Variants in ELP1 observed in about 807,000 individuals in gnomAD.
The protein encoded by ELP1 is elongator complex protein 1.
Under a neutral mutation model 183.2 loss-of-function variants are expected in ELP1, and 131 were observed. The ratio of observed to expected loss-of-function variants is 0.72; its 90% CI spans 0.62 to 0.83. The LOEUF (loss-of-function observed/expected upper bound fraction) is 0.83, where lower values mean the gene tolerates loss of function less well. ELP1 is among the 40% of genes least tolerant of loss of function. The probability of loss-of-function intolerance (pLI) is 0.00; values close to 1 mark genes in which losing one functional copy is unlikely to be tolerated. For synonymous variants in ELP1, 555 were observed against 569.0 expected, an observed-to-expected ratio of 0.98 and a Z score of 0.35; for missense variants, 1,550 against 1,594.9, an observed-to-expected ratio of 0.97 and a Z score of 0.48.
At chr9:108,887,161 A>G (rs2131962443) in intron 29 of ELP1, among the ~76,000 whole-genome samples, 1 of 152,284 alleles carries the variant, frequency 6.6e-6, no homozygotes, top group African/African-American at 2.4e-5. Context: ...GTGAGCTGAG[A>G]TCACACCACT....
intron 1 of ELP1, among the ~76,000 whole-genome samples, chr9:108,933,467 T>C (rs1366851176): frequency 6.6e-6 from 1 of 152,122 alleles, no homozygotes; most frequent in Non-Finnish European, 1.5e-5. Context: ...CCACGTTAGA[T>C]GGAGAAGCAC....
chr9:108,926,203 T>C (rs544753942), intron 5 of ELP1, among the ~76,000 whole-genome samples: 14 of 152,332 alleles, frequency 9.2e-5, no homozygotes, highest in African/African-American at 2.9e-4. Context: ...TATTCCATCT[T>C]TCTTCTTTTC....
At chr9:108,869,697 A>G (rs1827366575) in intron 36 of ELP1, among the ~76,000 whole-genome samples, 1 of 152,178 alleles carries the variant, frequency 6.6e-6, no homozygotes, top group Non-Finnish European at 1.5e-5. Context: ...ATGGAGAGAG[A>G]GGGTTAGGAA....
intron 29 of ELP1, among the ~76,000 whole-genome samples, chr9:108,886,559 C>CT (rs1290530681): frequency 6.6e-6 from 1 of 152,144 alleles, no homozygotes; most frequent in Non-Finnish European, 1.5e-5. Context: ...TATCACTCGT[C>CT]TAAAAACAAA....
At chr9:108,916,118 G>A (rs1829419717) in intron 10 of ELP1, 86 bp downstream of exon 10, 1 of 1,009,036 alleles carries the variant, frequency 9.9e-7, no homozygotes, top group Non-Finnish European at 1.6e-6. Context: ...AAGGGACTAA[G>A]TAGAAGGGAT....
chr9:108,888,685 T>TTAA (rs1241222317), intron 29 of ELP1, among the ~76,000 whole-genome samples: 1 of 152,154 alleles, frequency 6.6e-6, no homozygotes, highest in African/African-American at 2.4e-5. Flanking sequence ...CAAGAGACAA[T>TTAA]TAAATATTTT....
At chr9:108,899,309 AC>A (rs145831107) in intron 20 of ELP1, among the ~76,000 whole-genome samples, 38,337 of 150,974 alleles carry the variant, frequency 0.25, 5,499 homozygotes, top group African/African-American at 0.4. Flanking sequence ...CAAAAAAAAA[AC>A]AAAGAAAATC....
Position 108,911,086 on chromosome 9 carries a change from T to C in ELP1, c.1284A>G (p.Thr428=). The change falls in exon 12 of 37, where the codon ACA becomes ACG. Residue 428 remains threonine (T), a synonymous_variant. Coordinates refer to ENST00000374647, the MANE Select transcript of ELP1 (RefSeq NM_003640.5). ...TACTCTTTTGAGGGTGTGCTAAGAATGTGACTTGATTCACAGGGTGTGGGA... is the reference window on the plus strand; with the variant it reads ...TACTCTTTTGAGGGTGTGCTAAGAACGTGACTTGATTCACAGGGTGTGGGA... ...LLFPHPVNQV[T]FLAHPQKSND... 6.2e-7 allele frequency: 1 copy of C among 1,614,158 alleles called. No homozygotes were observed. Among genetic ancestry groups the C allele is most frequent in the Non-Finnish European group, 8.5e-7 (1 of 1,180,012 alleles).
rs199595486 is a variant in ELP1, at chr9:108,869,165, G to T, written c.3949C>A (p.Pro1317Thr). ...TGGGTTCTTCTGTTGATCTTTGGTGGTATAAAAAGCTCAGCATCTAAAAGC... is the reference window on the plus strand; with the variant it reads ...TGGGTTCTTCTGTTGATCTTTGGTGTTATAAAAAGCTCAGCATCTAAAAGC... ...VPVLDAELFI[P>T]PKINRRTQWK... Residue 1317 changes from proline (P) to threonine (T), a missense_variant, in exon 37 of 37, where the codon CCA becomes ACA. Physicochemically the swap from Pro to Thr is conservative, Grantham distance 38. Coordinates refer to ENST00000374647, the MANE Select transcript of ELP1 (RefSeq NM_003640.5). The T allele has an allele frequency of 1.5e-5, 24 of 1,613,944 alleles. No homozygotes were observed. In the Admixed American group the frequency reaches 3.0e-4, roughly 20 times the overall value.
chr9:108,874,903 G>A lies in ELP1; in HGVS notation c.3923C>T (p.Pro1308Leu), dbSNP rs750055987. ...TGAGAAAAAATACTAACCAAGAACA[G>A]GAACCGAAGTCTTCTGTTGCTGATA... Reference protein sequence around the residue: ...ASYQQQKTSVPVLDAELFIPP... With the variant: ...ASYQQQKTSVLVLDAELFIPP... Residue 1308 changes from proline to leucine, a missense_variant, in exon 36 of 37, where the codon CCT becomes CTT. Coordinates refer to ENST00000374647, the MANE Select transcript of ELP1 (RefSeq NM_003640.5). 6.2e-7 allele frequency: 1 copy of A among 1,607,842 alleles called. No individual in the cohort carries two copies. Among genetic ancestry groups the A allele is most frequent in the Non-Finnish European group, 8.5e-7 (1 of 1,174,484 alleles).
chr9:108,900,814 CACAT>C (rs1441982328), intron 18 of ELP1, among the ~76,000 whole-genome samples: 3 of 136,128 alleles, frequency 2.2e-5, no homozygotes, highest in Non-Finnish European at 3.2e-5. Flanking sequence ...ACGCCACACA[CACAT>C]ACACGCCACA....
intron 26 of ELP1, 67 bp from the exon 27 acceptor site, chr9:108,893,150 C>T: frequency 2.0e-6 from 2 of 1,020,192 alleles, no homozygotes; most frequent in Non-Finnish European, 3.1e-6. Flanking sequence ...TTCATTTATA[C>T]CAATGGTCAC....
chr9:108,872,804 G>GAAAAA (rs58139943), intron 36 of ELP1, among the ~76,000 whole-genome samples: 8 of 83,374 alleles, frequency 9.6e-5, no homozygotes, highest in South Asian at 4.6e-4. Context: ...GACTCTGTCT[G>GAAAAA]AAAAAAAAAA....
intron 10 of ELP1, among the ~76,000 whole-genome samples, chr9:108,913,750 G>A (rs1469790170): frequency 1.3e-5 from 2 of 151,984 alleles, no homozygotes; most frequent in African/African-American, 2.4e-5. Flanking sequence ...CAGTTCAAGC[G>A]ATTCCCTTGT....
intron 22 of ELP1, 37 bp from the exon 23 acceptor site, chr9:108,897,322 A>G (rs1828597000): frequency 6.2e-7 from 1 of 1,612,362 alleles, no homozygotes; most frequent in Non-Finnish European, 8.5e-7. Context: ...CATCAACAGA[A>G]CATGTAGCCC....
intron 33 of ELP1, 80 bp from the exon 34 acceptor site, chr9:108,878,830 T>C: frequency 6.6e-7 from 1 of 1,511,348 alleles, no homozygotes. Flanking sequence ...CTGGCTACTT[T>C]CTTGCAGTTG....
Position 108,896,614 on chromosome 9 carries a change from C to G in ELP1, c.2618G>C (p.Ser873Thr). The change falls in exon 25 of 37, where the codon AGT becomes ACT. Residue 873 changes from serine to threonine, a missense_variant. Coordinates refer to ENST00000374647, the MANE Select transcript of ELP1 (RefSeq NM_003640.5). ...GNAPSDPDAV[S>T]AEEALKYLLH... Reference sequence around the variant, plus strand: ...CAAATATTTCAAGGCCTCTTCAGCACTCACAGCATCAGGATCAGAGGGAGC... The same window carrying G: ...CAAATATTTCAAGGCCTCTTCAGCAGTCACAGCATCAGGATCAGAGGGAGC... 1.2e-6 allele frequency: 2 copies of G among 1,613,930 alleles called. No homozygotes were observed. Among genetic ancestry groups the G allele is most frequent in the Non-Finnish European group, 1.7e-6 (2 of 1,179,810 alleles).
At chr9:108,886,956 C>T (rs989801225) in intron 29 of ELP1, among the ~76,000 whole-genome samples, 5 of 147,884 alleles carry the variant, frequency 3.4e-5, no homozygotes, top group Non-Finnish European at 7.5e-5. Context: ...TGCCTGTAAT[C>T]CCAGCACTTT....
intron 29 of ELP1, among the ~76,000 whole-genome samples, chr9:108,883,397 G>A (rs1828003186): frequency 6.6e-6 from 1 of 152,074 alleles, no homozygotes. Context: ...AAACCCCTGG[G>A]CTCAAGTGAT....
Sources: allele counts gnomAD v4.1 joint callset (sites outside exome capture counted in the v4.1 genomes callset), GRCh38; gene constraint gnomAD v4.1.1; transcripts MANE v1.5; gene names NCBI Gene and HGNC (gene_info 2026-07-23, HGNC 2026-07-21).